The following ADK variants were observed in gnomAD, a reference collection of about 807,000 sequenced individuals.
The protein encoded by ADK is adenosine kinase, also known as N6,N6-dimethyladenosine kinase.
In ADK, 24 loss-of-function variants were observed where a neutral mutation model predicts 44.7. The observed-to-expected ratio is 0.54, with a 90% CI of 0.39 to 0.76. ADK has a LOEUF of 0.76. Among genes scored for constraint, ADK ranks in the 30% least tolerant of loss-of-function variants. The probability of loss-of-function intolerance (pLI) is 0.00; values close to 1 mark genes in which losing one functional copy is unlikely to be tolerated. For synonymous variants in ADK, 128 were observed against 142.6 expected (o/e 0.90, Z 0.73); for missense variants, 321 against 425.1 (o/e 0.76, Z 2.15).
intron 8 of ADK, among the ~76,000 whole-genome samples, chr10:74,595,202 C>T (rs543741968): frequency 7.1e-6 from 1 of 140,652 alleles, no homozygotes; most frequent in African/African-American, 2.7e-5. Context: ...AAAAAAGGCT[C>T]TATGACTTTT....
intron 6 of ADK, among the ~76,000 whole-genome samples, chr10:74,475,536 C>A (rs568408823): frequency 2.0e-5 from 2 of 101,368 alleles, no homozygotes; most frequent in South Asian, 2.8e-4. Context: ...TGTAGTAAGA[C>A]CCCCATCTCT....
chr10:74,325,959 C>T (rs117819908), intron 4 of ADK, among the ~76,000 whole-genome samples: 2,325 of 152,104 alleles, frequency 0.015, 26 homozygotes, highest in African/African-American at 0.031. Flanking sequence ...CCTCAGCCTC[C>T]CTAGTAGCTG....
At chr10:74,278,918 A>G (rs1429936108) in intron 3 of ADK, among the ~76,000 whole-genome samples, 1 of 152,186 alleles carries the variant, frequency 6.6e-6, no homozygotes, top group African/African-American at 2.4e-5. Flanking sequence ...CTTTAATCTT[A>G]TAATCTTTAT....
At chr10:74,671,530 T>C (rs1564845457) in intron 10 of ADK, among the ~76,000 whole-genome samples, 1 of 152,244 alleles carries the variant, frequency 6.6e-6, no homozygotes, top group Non-Finnish European at 1.5e-5. Context: ...TGTTTTTTAT[T>C]TCCTTGCTCG....
intron 6 of ADK, among the ~76,000 whole-genome samples, chr10:74,433,278 T>A (rs531430599): frequency 6.6e-6 from 1 of 152,340 alleles, no homozygotes; most frequent in South Asian, 2.1e-4. Context: ...AAACATTCAA[T>A]AGCCAGTCTT....
chr10:74,194,075 G>A (rs1446901164), intron 1 of ADK, among the ~76,000 whole-genome samples: 2 of 151,996 alleles, frequency 1.3e-5, no homozygotes, highest in African/African-American at 2.4e-5. Flanking sequence ...ATTGTTAACA[G>A]CACTCTTGAG....
intron 10 of ADK, among the ~76,000 whole-genome samples, chr10:74,697,059 A>G (rs533673980): frequency 6.6e-6 from 1 of 152,318 alleles, no homozygotes; most frequent in Admixed American, 6.5e-5. Flanking sequence ...ATTTTTTACA[A>G]CAAATTATAT....
chr10:74,645,449 A>T (rs1854021531), intron 9 of ADK, among the ~76,000 whole-genome samples: 1 of 152,216 alleles, frequency 6.6e-6, no homozygotes, highest in Non-Finnish European at 1.5e-5. Context: ...CTTAATCTAA[A>T]ACATAATATT....
chr10:74,191,765 T>C (rs1842959645), intron 1 of ADK, among the ~76,000 whole-genome samples: 1 of 152,176 alleles, frequency 6.6e-6, no homozygotes, highest in Admixed American at 6.5e-5. Context: ...ATAGACGTTA[T>C]TAGAATTTCA....
intron 9 of ADK, among the ~76,000 whole-genome samples, chr10:74,620,288 C>T (rs1295726597): frequency 6.6e-6 from 1 of 152,156 alleles, no homozygotes; most frequent in Admixed American, 6.5e-5. Flanking sequence ...CCTTCCCAGC[C>T]TCTAATATCC....
At chr10:74,618,292 C>CT (rs1852852577) in intron 9 of ADK, among the ~76,000 whole-genome samples, 3 of 150,092 alleles carry the variant, frequency 2.0e-5, no homozygotes, top group Non-Finnish European at 4.5e-5. Flanking sequence ...GTATTTTTTT[C>CT]TTTTTCTTCT....
intron 1 of ADK, among the ~76,000 whole-genome samples, chr10:74,199,821 A>G (rs552537178): frequency 6.6e-6 from 1 of 152,178 alleles, no homozygotes; most frequent in African/African-American, 2.4e-5. Context: ...CTGGGACTAC[A>G]GGTGCTCGCC....
intron 1 of ADK, among the ~76,000 whole-genome samples, chr10:74,163,638 CA>C (rs1288632260): frequency 6.6e-6 from 1 of 152,034 alleles, no homozygotes; most frequent in African/African-American, 2.4e-5. Flanking sequence ...CAAAATAGGG[CA>C]AAAAAGTCAA....
chr10:74,356,321 A>G (rs1460869068), intron 4 of ADK, among the ~76,000 whole-genome samples: 1 of 151,868 alleles, frequency 6.6e-6, no homozygotes, highest in East Asian at 1.9e-4. Flanking sequence ...CCCGGCCAAT[A>G]ATTCATATTG....
intron 7 of ADK, among the ~76,000 whole-genome samples, chr10:74,540,260 T>G (rs139324000): frequency 6.6e-6 from 1 of 152,284 alleles, no homozygotes; most frequent in African/African-American, 2.4e-5. Context: ...TTTGAAATAG[T>G]TTGAATTACT....
chr10:74,464,402 T>A (rs1433659695), intron 6 of ADK, among the ~76,000 whole-genome samples: 1 of 150,608 alleles, frequency 6.6e-6, no homozygotes, highest in Non-Finnish European at 1.5e-5. Context: ...AAAAAAAAAA[T>A]TACCTGGACA....
At position 74,596,494 on chromosome 10, in the gene ADK, T is replaced by C. The variant is rs79797052; in HGVS notation, c.763-3885T>C. 3.7e-3 allele frequency among the ~76,000 whole-genome samples: 568 copies of C among 152,158 alleles called. 2 individuals are homozygous for C. The highest frequency in any genetic ancestry group is 0.013 in the African/African-American group (531 of 41,516). ...ACCTCTGCCTGCTGGGCTCAAGCAATCTGTAGATTCAATGCAATCCCTATC... is the reference window on the plus strand; with the variant it reads ...ACCTCTGCCTGCTGGGCTCAAGCAACCTGTAGATTCAATGCAATCCCTATC... On this transcript the variant is annotated intron_variant, in intron 8 of 10. Transcript: ENST00000539909.
At chr10:74,364,685 A>G (rs935164097) in intron 4 of ADK, among the ~76,000 whole-genome samples, 2 of 126,606 alleles carry the variant, frequency 1.6e-5, no homozygotes, top group African/African-American at 6.1e-5. Flanking sequence ...GGCAAAGGCT[A>G]TGGTGTGTGT....
At chr10:74,306,214 G>T (rs1254828214) in intron 3 of ADK, among the ~76,000 whole-genome samples, 1 of 151,916 alleles carries the variant, frequency 6.6e-6, no homozygotes, top group Non-Finnish European at 1.5e-5. Flanking sequence ...CTGATTAACA[G>T]TCTTCTTCAT....
Sources: allele counts gnomAD v4.1 joint callset (sites outside exome capture counted in the v4.1 genomes callset), GRCh38; gene constraint gnomAD v4.1.1; transcripts MANE v1.5; gene names NCBI Gene and HGNC (gene_info 2026-07-23, HGNC 2026-07-21).